USP8: variants seen among roughly 807,000 people sequenced by gnomAD.
The protein encoded by USP8 is ubiquitin carboxyl-terminal hydrolase 8.
USP8 carries 27 observed loss-of-function variants against 130.0 expected under a neutral mutation model. That is an observed-to-expected ratio of 0.21 (90% CI 0.15 to 0.29). USP8 has a LOEUF of 0.29. Ranked by LOEUF, USP8 falls within the 10% of genes least tolerant of loss-of-function variation. The pLI is 1.00. For synonymous variants in USP8, 392 were observed against 444.1 expected (o/e 0.88, Z 1.48); for missense variants, 1,029 against 1,312.2 (o/e 0.78, Z 3.33).
rs758098072 is a variant in USP8 at position 50,481,753 on chromosome 15, A to G, written c.1491A>G (p.Glu497=). ...AACAGAAAGAGAAACTGAGGAAGGA[A>G]GAACAAGAACAAAAAGCCAAAAAGA... The part of the protein sequence containing the change: ...QEEQKEKLRK[E]EQEQKAKKKQ... The change falls in exon 11 of 20, where the codon GAA becomes GAG. Residue 497 remains glutamate (E), a synonymous_variant. Coordinates refer to ENST00000307179, the MANE Select transcript of USP8 (RefSeq NM_005154.5). 1 of 1,590,368 alleles carries G rather than the reference A, an allele frequency of 6.3e-7. No homozygotes were observed. The highest frequency in any genetic ancestry group is 1.2e-5 in the South Asian group (1 of 86,170).
In USP8 at chr15:50,482,037, C is replaced by T. The variant is rs1039670134; in HGVS notation, c.1775C>T (p.Ser592Phe). ...TCAACAGGAGATGTGCCCCATACAT[C>T]TGTGACAGGGGATTCAGGTTCAGGC... ...KKSTGDVPHT[S>F]VTGDSGSGKP... Residue 592 changes from serine (S) to phenylalanine (F), a missense_variant, in exon 11 of 20, where the codon TCT becomes TTT. Around this residue, in one of 4 missense-constraint regions of USP8, gnomAD observed 486 missense variants for 522.0 expected, o/e 0.93. Transcript: ENST00000307179. 2 of 1,525,594 alleles carry T rather than the reference C, an allele frequency of 1.3e-6. No individual in the cohort carries two copies. The highest frequency in any genetic ancestry group is 2.6e-5 in the South Asian group (2 of 76,136). The allele number at this position is 1,525,594 out of a possible 1,614,324, so 94.5% of individuals were successfully genotyped here. A position where few individuals can be genotyped will look rare whatever the true frequency, so the allele number is the denominator to read the frequency against.
intron 14 of USP8, among the ~76,000 whole-genome samples, chr15:50,490,855 A>G (rs145708482): frequency 2.8e-4 from 42 of 152,314 alleles, no homozygotes; most frequent in South Asian, 8.3e-4. Flanking sequence ...TTTGAGGACC[A>G]TAATTTTCAG....
At position 50,489,901 on chromosome 15, in the gene USP8, G is replaced by A; in HGVS notation, c.1971+20G>A. 6.5e-7 allele frequency: 1 copy of A among 1,539,330 alleles called. No individual in the cohort carries two copies. Among genetic ancestry groups the A allele is most frequent in the East Asian group, 2.4e-5 (1 of 42,534 alleles). ...GCCAAGGTAAAAGTCAGAATTAGCA[G>A]TAAAATAGCCACTGTGTTCCTAAAA... On this transcript the variant is annotated intron_variant, in intron 13 of 19. Transcript: ENST00000307179.
intron 12 of USP8, among the ~76,000 whole-genome samples, chr15:50,488,225 G>T (rs545746069): frequency 1.3e-5 from 2 of 152,008 alleles, no homozygotes; most frequent in Non-Finnish European, 2.9e-5. Flanking sequence ...TCTTCTTAAG[G>T]TTTCAGTTTT....
In USP8 at chr15:50,490,507, C is replaced by A. The variant is rs954020976; in HGVS notation, c.2216C>A (p.Thr739Lys). 17 of 1,613,610 alleles carry A rather than the reference C, an allele frequency of 1.1e-5. No individual in the cohort carries two copies. The highest frequency in any genetic ancestry group is 1.4e-5 in the Non-Finnish European group (17 of 1,179,894). The change falls in exon 14 of 20, where the codon ACA becomes AAA. Residue 739 changes from threonine (T) to lysine (K), a missense_variant. Thr to Lys is a moderately conservative substitution (Grantham distance 78, BLOSUM62 -1). This residue lies in a region of USP8 where 486 missense variants were observed against 522.0 expected (regional missense o/e 0.93). Transcript: ENST00000307179. ...AAGAGGAAGCCAACAGTAACTCCAACAGTTAATCGGGAAAACAAGTATGTT... is the reference window on the plus strand; with the variant it reads ...AAGAGGAAGCCAACAGTAACTCCAAAAGTTAATCGGGAAAACAAGTATGTT... ...EEKRKPTVTPTVNRENKPTCY... is the reference protein window; with the variant it reads ...EEKRKPTVTPKVNRENKPTCY...
chr15:50,436,336 C>G (rs2050090580), intron 1 of USP8, among the ~76,000 whole-genome samples: 1 of 150,932 alleles, frequency 6.6e-6, no homozygotes, highest in Non-Finnish European at 1.5e-5. Flanking sequence ...CAAATGTTGT[C>G]TCTTTGATGA....
At chr15:50,426,307 A>G (rs749857137) in intron 1 of USP8, among the ~76,000 whole-genome samples, 3 of 152,188 alleles carry the variant, frequency 2.0e-5, no homozygotes, top group Non-Finnish European at 4.4e-5. Context: ...GTCTTCAGGT[A>G]TGTGTTGCTA....
chr15:50,449,957 G>A (rs557547214), intron 4 of USP8, among the ~76,000 whole-genome samples: 4 of 136,690 alleles, frequency 2.9e-5, no homozygotes, highest in African/African-American at 1.1e-4. Flanking sequence ...GCAGTGGCGC[G>A]ATCTCAGCTC....
In USP8 at chr15:50,500,778, G is replaced by T; in HGVS notation, c.*1690G>T. ...TGTTATCAAAGCTATATCAGGCCTG[G>T]GTGACTGAATTCTTGCAGAAAGCAG... On this transcript the variant is annotated 3_prime_UTR_variant, in exon 20 of 20. Coordinates refer to ENST00000307179, the MANE Select transcript of USP8 (RefSeq NM_005154.5). 6.3e-7 allele frequency: 1 copy of T among 1,588,704 alleles called. No individual in the cohort carries two copies. Among genetic ancestry groups the T allele is most frequent in the East Asian group, 2.3e-5 (1 of 44,124 alleles).
At chr15:50,442,303 C>G (rs902705000) in intron 3 of USP8, among the ~76,000 whole-genome samples, 2 of 152,048 alleles carry the variant, frequency 1.3e-5, no homozygotes, top group African/African-American at 4.8e-5. Context: ...CTTCTTTTTG[C>G]TTTTAATCCT....
At chr15:50,496,894 C>G in intron 17 of USP8, 195 bp from the exon 18 acceptor site, 1 of 610,522 alleles carries the variant, frequency 1.6e-6, no homozygotes. Context: ...AGGTAGCACT[C>G]ACCACACTCT....
intron 3 of USP8, among the ~76,000 whole-genome samples, chr15:50,443,060 A>T (rs1199505402): frequency 6.6e-6 from 1 of 152,148 alleles, no homozygotes; most frequent in Non-Finnish European, 1.5e-5. Context: ...ATTTACTTTG[A>T]GAGAGTCTCG....
At chr15:50,467,155 C>T (rs1260091587) in intron 7 of USP8, 1 of 242,220 alleles carries the variant, frequency 4.1e-6, no homozygotes, top group African/African-American at 2.3e-5. Flanking sequence ...TATTAGAGTA[C>T]TCAGTCTAAT....
intron 4 of USP8, 28 bp from the exon 5 acceptor site, chr15:50,458,972 G>T: frequency 9.9e-6 from 16 of 1,610,028 alleles, no homozygotes; most frequent in Non-Finnish European, 1.4e-5. Flanking sequence ...GCCAATAAAA[G>T]ACAATCTTGA....
At chr15:50,428,497 A>G (rs960910859) in intron 1 of USP8, among the ~76,000 whole-genome samples, 2 of 152,220 alleles carry the variant, frequency 1.3e-5, no homozygotes, top group African/African-American at 4.8e-5. Context: ...GAATGCCTGA[A>G]ACCACAGATA....
In USP8 at chr15:50,498,737, C is replaced by A. The variant is rs751047153; in HGVS notation, c.3171+9C>A. The A allele has an allele frequency of 8.2e-6, 13 of 1,587,028 alleles. No individual in the cohort carries two copies. The Admixed American group carries it at 2.0e-4, about 24-fold the overall frequency. The stretch of plus-strand genomic sequence containing the variant: ...ATTTGTTTTCTGTTTCAGTAAGTAT[C>A]TCTTTGAACTGAAGACTTTTTGTTT... On this transcript the variant is annotated intron_variant, in intron 19 of 19. Transcript: ENST00000307179.
At chr15:50,430,262 G>A (rs1008889996) in intron 1 of USP8, among the ~76,000 whole-genome samples, 2 of 152,060 alleles carry the variant, frequency 1.3e-5, no homozygotes, top group Non-Finnish European at 2.9e-5. Context: ...CAAGAGAATC[G>A]CTTGAACCGG....
intron 1 of USP8, chr15:50,432,452 A>G (rs1430138987): frequency 6.6e-6 from 1 of 152,222 alleles, no homozygotes. Flanking sequence ...ACGCCCAGTC[A>G]GTGCACTGCT....
In USP8 at chr15:50,499,525, C is replaced by G. The variant is rs1055707090; in HGVS notation, c.*437C>G. 2 of 152,362 alleles carry G rather than the reference C, an allele frequency of 1.3e-5. No individual in the cohort carries two copies. Among genetic ancestry groups the G allele is most frequent in the Non-Finnish European group, 2.9e-5 (2 of 68,280 alleles). The allele number at this position is 152,362 out of a possible 1,614,324, so 9.4% of individuals were successfully genotyped here. On this transcript the variant is annotated 3_prime_UTR_variant, in exon 20 of 20. Transcript: ENST00000307179. ...TTTATTGCATACTTGCACATCAAAT[C>G]GATGTACATAGTTTAACACGTGGTC...
Sources: gnomAD v4.1 joint callset for allele counts (sites outside exome capture counted in the v4.1 genomes callset) on GRCh38, gnomAD v4.1.1 for gene constraint, gnomAD v4.1.1 regional missense constraint, MANE v1.5 for transcripts, NCBI Gene and HGNC (gene_info 2026-07-23, HGNC 2026-07-21) for gene names.